CTSD: variants seen among roughly 807,000 people sequenced by gnomAD.
CTSD encodes the protein cathepsin D.
In CTSD, 28 loss-of-function variants were observed where a neutral mutation model predicts 43.6. The observed-to-expected ratio is 0.64, with a 90% CI of 0.48 to 0.88. The LOEUF (loss-of-function observed/expected upper bound fraction) is 0.88. Among genes scored for constraint, CTSD ranks in the 40% least tolerant of loss-of-function variants. The pLI is 0.00. For synonymous variants in CTSD, 270 were observed against 249.8 expected (o/e 1.08, Z -0.76); for missense variants, 485 against 555.2 (o/e 0.87, Z 1.27).
At chr11:1,757,294 C>G (rs138267882) in intron 5 of CTSD, 30 bp downstream of exon 5, 1 of 1,583,708 alleles carries the variant, frequency 6.3e-7, no homozygotes. Flanking sequence ...CTCCCAGCAA[C>G]GCGGAGCGAG....
chr11:1,757,562 G>C lies in CTSD; in HGVS notation c.472-6C>G. The C allele has an allele frequency of 6.2e-7, 1 of 1,604,370 alleles. No individual in the cohort carries two copies. On this transcript the variant is annotated splice_polypyrimidine_tract_variant and splice_region_variant and intron_variant, in intron 4 of 8. Coordinates refer to ENST00000236671, the MANE Select transcript of CTSD (RefSeq NM_001909.5). ...GACGCTGACTGGCAGGGCACCTGCA[G>C]GCCAGGGCAGAGTCAGTGGGCAGCA...
chr11:1,755,772 AGT>A (rs1845801687), intron 5 of CTSD, among the ~76,000 whole-genome samples: 1 of 152,146 alleles, frequency 6.6e-6, no homozygotes. Flanking sequence ...CACTCGAGGC[AGT>A]GCCAGGCCTG....
intron 5 of CTSD, chr11:1,755,388 A>G (rs1845797282): frequency 2.7e-6 from 1 of 365,036 alleles, no homozygotes; most frequent in East Asian, 6.8e-5. Context: ...TGTCTGGAAG[A>G]AAAAACCAAA....
chr11:1,763,918 CGCCGCAGTTGG>C (rs1845915917), exon 1 of CTSD: 7 of 1,442,744 alleles, frequency 4.9e-6, no homozygotes, highest in Non-Finnish European at 5.6e-6. Flanking sequence ...GCCGGGATGA[CGCCGCAGTTGG>C]GCCGGATCAG....
intron 1 of CTSD, 115 bp downstream of exon 1, chr11:1,763,677 G>A (rs543466585): frequency 2.9e-6 from 3 of 1,020,620 alleles, no homozygotes; most frequent in African/African-American, 3.4e-5. Flanking sequence ...ATTCCAGCGC[G>A]GGGGGCGCAA....
intron 8 of CTSD, 42 bp from the exon 9 acceptor site, chr11:1,753,712 C>A: frequency 6.2e-7 from 1 of 1,610,224 alleles, no homozygotes; most frequent in Non-Finnish European, 8.5e-7. Context: ...CTAGCACCAC[C>A]CGCCCCCCCA....
Position 1,754,614 on chromosome 11 carries a change from G to A in CTSD, c.827+292C>T, listed in dbSNP as rs571366796. Among the ~76,000 whole-genome samples, 67 of 146,396 alleles carry A rather than the reference G, an allele frequency of 4.6e-4. 2 individuals carry two copies. The highest frequency in any genetic ancestry group is 1.6e-3 in the African/African-American group (62 of 39,274). On this transcript the variant is annotated intron_variant, in intron 6 of 8. Coordinates refer to ENST00000236671, the MANE Select transcript of CTSD (RefSeq NM_001909.5). ...TCACAGAGGGATGAGGGGATGGAGG[G>A]GATGGAGGGCATGGAGGGATGGACA... is the stretch of plus-strand genomic sequence containing the variant.
intron 3 of CTSD, among the ~76,000 whole-genome samples, 172 bp downstream of exon 3, chr11:1,759,344 C>T (rs993334708): frequency 6.6e-6 from 1 of 152,222 alleles, no homozygotes; most frequent in African/African-American, 2.4e-5. Flanking sequence ...AGCAAGACCA[C>T]AGCTGGTGGT....
At chr11:1,754,392 T>G (rs1294243569) in intron 6 of CTSD, 21 of 406,116 alleles carry the variant, frequency 5.2e-5, no homozygotes, top group African/African-American at 1.7e-4. Flanking sequence ...CATAGAGGGA[T>G]GGAGGGGATG....
chr11:1,755,159 G>T, intron 5 of CTSD, 131 bp from the exon 6 acceptor site: 1 of 1,104,304 alleles, frequency 9.1e-7, no homozygotes, highest in Non-Finnish European at 1.4e-6. Flanking sequence ...AAACTGCAGG[G>T]ATGGAAAGGC....
chr11:1,753,728 T>TGCCCGCTCACCTGGAGCGTGC, intron 8 of CTSD, 58 bp from the exon 9 acceptor site: 2 of 1,609,150 alleles, frequency 1.2e-6, no homozygotes, highest in Non-Finnish European at 8.5e-7. Context: ...CCCCACCTGT[T>TGCCCGCTCACCTGGAGCGTGC]GCCCGCTCAC....
At chr11:1,759,663 G>A (rs966487833) in intron 2 of CTSD, 24 bp from the exon 3 acceptor site, 8 of 1,603,454 alleles carry the variant, frequency 5.0e-6, no homozygotes, top group African/African-American at 4.0e-5. Context: ...GGGTCCGTCA[G>A]GGATGGGAGA....
At chr11:1,754,650 T>C (rs1450378714) in intron 6 of CTSD, among the ~76,000 whole-genome samples, 1 of 110,566 alleles carries the variant, frequency 9.0e-6, no homozygotes, top group Non-Finnish European at 1.8e-5. Flanking sequence ...GAAGGGATGG[T>C]GGGTCATGGA....
At chr11:1,758,708 C>T (rs1845838500) in intron 4 of CTSD, among the ~76,000 whole-genome samples, 1 of 152,172 alleles carries the variant, frequency 6.6e-6, no homozygotes, top group African/African-American at 2.4e-5. Context: ...GATCGATCTG[C>T]CCTGTCCTCC....
At chr11:1,761,568 G>C in intron 1 of CTSD, 100 bp from the exon 2 acceptor site, 4 of 1,375,552 alleles carry the variant, frequency 2.9e-6, no homozygotes, top group Non-Finnish European at 4.1e-6. Context: ...GGGAATCTCA[G>C]AGTCGCCACA....
At chr11:1,756,764 A>T (rs1248145372) in intron 5 of CTSD, among the ~76,000 whole-genome samples, 1 of 152,074 alleles carries the variant, frequency 6.6e-6, no homozygotes, top group African/African-American at 2.4e-5. Context: ...GCCCTGGGGG[A>T]GAACCCTTTT....
chr11:1,763,855 T>C lies in CTSD; in HGVS notation c.5A>G (p.Gln2Arg). The change falls in exon 1 of 9, where the codon CAG (glutamine) becomes CGG (arginine). Residue 2 changes from glutamine to arginine, a missense_variant. Coordinates refer to ENST00000236671, the MANE Select transcript of CTSD (RefSeq NM_001909.5). M[Q>R]PSSLLPLALC... is the part of the protein sequence containing the mutation. ...GGCGAGCGGCAGAAGGCTGGAGGGC[T>C]GCATGGCGGCGGCGGCCGGGTCGGA... 6.6e-7 allele frequency: 1 copy of C among 1,524,212 alleles called. No homozygotes were observed. Among genetic ancestry groups the C allele is most frequent in the Non-Finnish European group, 8.8e-7 (1 of 1,141,232 alleles). 94.4% of individuals were successfully genotyped at this position (1,524,212 alleles called of 1,614,324 possible). A position where few individuals can be genotyped will look rare whatever the true frequency, so the allele number is the denominator to read the frequency against.
At chr11:1,757,658 C>G (rs1213535203) in intron 4 of CTSD, 102 bp from the exon 5 acceptor site, 1 of 956,568 alleles carries the variant, frequency 1.0e-6, no homozygotes, top group Non-Finnish European at 1.6e-6. Flanking sequence ...GCCCATCCCA[C>G]ACACGATGGG....
chr11:1,761,356 C>A lies in CTSD; in HGVS notation c.181G>T (p.Ala61Ser). ...TCGGGAATGGGCCCCTCGGTCACGG[C>A]TGGCACCGCCTGGGAGTACTTTGAG... ...PVSKYSQAVP[A>S]VTEGPIPEVL... The change falls in exon 2 of 9, where the codon GCC becomes TCC. Residue 61 changes from alanine to serine, a missense_variant. By Grantham distance (99) the Ala-to-Ser change is moderately conservative. Transcript: ENST00000236671. The A allele has an allele frequency of 1.2e-6, 2 of 1,613,856 alleles. No individual in the cohort carries two copies. Among genetic ancestry groups the A allele is most frequent in the East Asian group, 4.5e-5 (2 of 44,878 alleles).
Sources: allele counts gnomAD v4.1 joint callset (sites outside exome capture counted in the v4.1 genomes callset), GRCh38; gene constraint gnomAD v4.1.1; transcripts MANE v1.5; gene names NCBI Gene and HGNC (gene_info 2026-07-23, HGNC 2026-07-21).